Variants in MYH10 observed in about 807,000 individuals in gnomAD.
The protein encoded by MYH10 is myosin heavy chain 10.
MYH10 carries 55 observed loss-of-function variants against 257.8 expected under a neutral mutation model. The observed-to-expected ratio is 0.21, with a 90% CI of 0.17 to 0.27. The LOEUF (loss-of-function observed/expected upper bound fraction) is 0.27, where lower values mean the gene tolerates loss of function less well. Among genes scored for constraint, MYH10 ranks in the 10% least tolerant of loss-of-function variants. The pLI is 1.00. For missense variants in MYH10, 1,631 were observed against 2,500.6 expected (o/e 0.65, Z 7.42); for synonymous variants, 854 against 921.7 (o/e 0.93, Z 1.33).
intron 1 of MYH10, among the ~76,000 whole-genome samples, chr17:8,625,482 ATT>A (rs111227495): frequency 2.2e-4 from 32 of 144,636 alleles, no homozygotes; most frequent in Middle Eastern, 3.6e-3. Flanking sequence ...CCTGAGAACT[ATT>A]TTTTTTTTTT....
Position 8,480,365 on chromosome 17 carries a change from C to T in MYH10, c.5388+37G>A, listed in dbSNP as rs1479895852. On this transcript the variant is annotated intron_variant, in intron 39 of 42. Coordinates refer to ENST00000360416, the MANE Select transcript of MYH10 (RefSeq NM_001256012.3). Reference sequence around the variant, plus strand: ...AGTCACTTGTGCCTGAGGGGTGGCACAGCCCTCCCTGGGTGACGGGCTCCT... The same window carrying T: ...AGTCACTTGTGCCTGAGGGGTGGCATAGCCCTCCCTGGGTGACGGGCTCCT... 3.7e-6 allele frequency: 6 copies of T among 1,612,836 alleles called. No homozygotes were observed. In the African/African-American group the frequency reaches 5.3e-5, roughly 14 times the overall value.
rs141977374 is a variant in MYH10 at position 8,477,856 on chromosome 17, G to A, written c.5706+482C>T. ...CCTGACCCACAGTTCAAAGTCCTGC[G>A]GAACATTCCCTGTGTACTTAGAAAA... On this transcript the variant is annotated intron_variant, in intron 41 of 42. Coordinates refer to ENST00000360416, the MANE Select transcript of MYH10 (RefSeq NM_001256012.3). This position sits in a 1 kb window ranked among gnomAD's most constrained non-coding sequence, Gnocchi z 4.2. Among the ~76,000 whole-genome samples, 26 of 152,308 alleles carry A rather than the reference G, an allele frequency of 1.7e-4. No individual in the cohort carries two copies. The highest frequency in any genetic ancestry group is 3.2e-4 in the Non-Finnish European group (22 of 68,028).
rs193197000 is a variant in MYH10, at chr17:8,480,848, C to A, written c.5265-323G>T. On this transcript the variant is annotated intron_variant, in intron 38 of 42. Transcript: ENST00000360416. ...TCGCTTTCAAAACGCAAGCACGACC[C>A]CAGCCTCCCCACCGCTGAAACTCTT... Among the ~76,000 whole-genome samples, 632 of 107,808 alleles carry A rather than the reference C, an allele frequency of 5.9e-3. 7 individuals carry two copies. Among genetic ancestry groups the A allele is most frequent in the African/African-American group, 0.019 (554 of 29,918 alleles). 70.7% of individuals were successfully genotyped at this position (107,808 alleles called of 152,430 possible). A position where few individuals can be genotyped will look rare whatever the true frequency, so the allele number is the denominator to read the frequency against.
intron 19 of MYH10, 62 bp from the exon 20 acceptor site, chr17:8,519,012 CTGTG>C (rs761960152): frequency 8.4e-5 from 111 of 1,321,548 alleles, no homozygotes; most frequent in Non-Finnish European, 1.2e-4. Context: ...TATCTACTAA[CTGTG>C]TGTTTTGCTC....
At chr17:8,507,568 C>T (rs143797183) in intron 26 of MYH10, among the ~76,000 whole-genome samples, 1 of 152,362 alleles carries the variant, frequency 6.6e-6, no homozygotes, top group East Asian at 1.9e-4. Flanking sequence ...ACTTTGTGGG[C>T]ACTTTAATAC....
intron 1 of MYH10, among the ~76,000 whole-genome samples, chr17:8,628,847 C>T (rs2085781424): frequency 6.6e-6 from 1 of 152,254 alleles, no homozygotes; most frequent in Admixed American, 6.5e-5. Flanking sequence ...CTCCATCTCA[C>T]CTTCCATCTC....
chr17:8,492,476 A>G lies in MYH10; in HGVS notation c.4492T>C (p.Tyr1498His). 6.2e-7 allele frequency: 1 copy of G among 1,612,374 alleles called. No individual in the cohort carries two copies. The highest frequency in any genetic ancestry group is 8.5e-7 in the Non-Finnish European group (1 of 1,180,012). The change falls in exon 34 of 43, where the codon TAT becomes CAT. Residue 1498 changes from tyrosine (Y) to histidine (H), a missense_variant. Physicochemically the swap from Tyr to His is moderately conservative, Grantham distance 83. Around this residue, in one of 11 missense-constraint regions of MYH10, gnomAD observed 463 missense variants for 621.8 expected, o/e 0.74. Coordinates refer to ENST00000360416, the MANE Select transcript of MYH10 (RefSeq NM_001256012.3). Reference protein sequence around the residue: ...LAEEKSISARYAEERDRAEAE... With the variant: ...LAEEKSISARHAEERDRAEAE... ...TCGGCCCGGTCCCGCTCTTCGGCAT[A>G]GCGAGCAGAGATGCTCTTCTCTTCT...
At chr17:8,591,063 G>A (rs571432225) in intron 3 of MYH10, among the ~76,000 whole-genome samples, 1 of 151,760 alleles carries the variant, frequency 6.6e-6, no homozygotes, top group African/African-American at 2.4e-5. Flanking sequence ...TAGTAGAGAC[G>A]GGGTTTCACC....
At chr17:8,593,548 A>C (rs532941966) in intron 3 of MYH10, among the ~76,000 whole-genome samples, 10 of 152,288 alleles carry the variant, frequency 6.6e-5, no homozygotes, top group African/African-American at 2.4e-4. Context: ...TTTGAAATTG[A>C]AATTTTGAAA....
intron 35 of MYH10, among the ~76,000 whole-genome samples, chr17:8,488,654 A>G (rs112296147): frequency 1.2e-4 from 19 of 152,284 alleles, no homozygotes; most frequent in African/African-American, 4.6e-4. Context: ...TGGAGGCACC[A>G]AGGCTTGACG....
intron 1 of MYH10, among the ~76,000 whole-genome samples, chr17:8,624,157 A>G (rs2085583155): frequency 6.6e-6 from 1 of 152,204 alleles, no homozygotes; most frequent in African/African-American, 2.4e-5. Flanking sequence ...GACATTTACA[A>G]TTAATGTATC....
intron 6 of MYH10, among the ~76,000 whole-genome samples, chr17:8,570,772 G>A (rs2083306153): frequency 2.0e-5 from 3 of 152,108 alleles, no homozygotes; most frequent in Admixed American, 2.0e-4. Context: ...TAAATTAGTG[G>A]CATTTGGTAT....
chr17:8,567,282 C>A (rs1005657754), intron 7 of MYH10, among the ~76,000 whole-genome samples: 1 of 152,214 alleles, frequency 6.6e-6, no homozygotes, highest in Admixed American at 6.5e-5. Flanking sequence ...ATGCCTCCTA[C>A]TGACACAGGC....
In MYH10 at chr17:8,490,950, C is replaced by A. The variant is rs1915667994; in HGVS notation, c.4672-398G>T. On this transcript the variant is annotated intron_variant, in intron 34 of 42. Coordinates refer to ENST00000360416, the MANE Select transcript of MYH10 (RefSeq NM_001256012.3). The surrounding 1 kb of genome is among the most constrained non-coding windows in gnomAD (Gnocchi z 4.1). ...CATCTCTTCTTGCTGTAGAGAAGAT[C>A]ATTCGTATTGAAAAGCACATGTGGA... Among the ~76,000 whole-genome samples the A allele has an allele frequency of 6.6e-6, 1 of 152,226 alleles. No individual in the cohort carries two copies. The highest frequency in any genetic ancestry group is 6.5e-5 in the Admixed American group (1 of 15,288).
At chr17:8,587,313 G>A (rs377224532) in intron 4 of MYH10, among the ~76,000 whole-genome samples, 3 of 152,138 alleles carry the variant, frequency 2.0e-5, no homozygotes, top group South Asian at 4.1e-4. Flanking sequence ...AAGTTTCAGC[G>A]TGATTTGCTG....
Position 8,535,720 on chromosome 17 carries a change from G to A in MYH10, c.1779+38C>T. ...AAAATGTAGCAAAATTTCAAACACA[G>A]CCATTTTAATCCAGTTATTCAACAT... is the stretch of plus-strand genomic sequence containing the variant. On this transcript the variant is annotated intron_variant, in intron 15 of 42. Transcript: ENST00000360416. The surrounding 1 kb of genome is among the most constrained non-coding windows in gnomAD (Gnocchi z 4.3). 6.3e-7 allele frequency: 1 copy of A among 1,579,962 alleles called. No homozygotes were observed. The highest frequency in any genetic ancestry group is 8.6e-7 in the Non-Finnish European group (1 of 1,159,488).
chr17:8,511,481 T>C (rs2081294462), intron 24 of MYH10, among the ~76,000 whole-genome samples: 1 of 152,074 alleles, frequency 6.6e-6, no homozygotes, highest in Non-Finnish European at 1.5e-5. Flanking sequence ...GATTGCGCCA[T>C]TGCACTCCAG....
chr17:8,626,989 A>G (rs2085707911), intron 1 of MYH10, among the ~76,000 whole-genome samples: 1 of 152,256 alleles, frequency 6.6e-6, no homozygotes. Context: ...AAATTATTTT[A>G]TCAAATTGGG....
chr17:8,609,343 C>A (rs1313462770), intron 2 of MYH10, among the ~76,000 whole-genome samples: 1 of 151,498 alleles, frequency 6.6e-6, no homozygotes, highest in African/African-American at 2.4e-5. Context: ...AATCAGACCA[C>A]CATCGAGAAG....
Sources: gnomAD v4.1 joint callset for allele counts (sites outside exome capture counted in the v4.1 genomes callset) on GRCh38, gnomAD v4.1.1 for gene constraint, gnomAD v4.1.1 regional missense constraint, Gnocchi (gnomAD v3.1) non-coding constraint, MANE v1.5 for transcripts, NCBI Gene and HGNC (gene_info 2026-07-23, HGNC 2026-07-21) for gene names.